Variants in ATRNL1 observed in about 807,000 individuals in gnomAD.
The protein encoded by ATRNL1 is attractin like 1, also known as attractin-like protein 1.
Under a neutral mutation model 182.7 loss-of-function variants are expected in ATRNL1, and 95 were observed. The observed-to-expected ratio is 0.52, with a 90% CI of 0.44 to 0.62. The LOEUF is 0.62. ATRNL1 is among the 20% of genes least tolerant of loss of function. The pLI is 0.00. For missense variants in ATRNL1, 1,471 were observed against 1,679.5 expected, an observed-to-expected ratio of 0.88 and a Z score of 2.17; for synonymous variants, 576 against 568.3, an observed-to-expected ratio of 1.01 and a Z score of -0.19.
chr10:115,491,929 G>T (rs1455566897), intron 24 of ATRNL1, among the ~76,000 whole-genome samples: 1 of 152,156 alleles, frequency 6.6e-6, no homozygotes, highest in South Asian at 2.1e-4. Flanking sequence ...TGTGGGAAAC[G>T]CACAGTATTT....
At chr10:115,217,999 GAC>G (rs1849296683) in intron 9 of ATRNL1, among the ~76,000 whole-genome samples, 1 of 152,044 alleles carries the variant, frequency 6.6e-6, no homozygotes. Context: ...GTTTTGTGGA[GAC>G]AGTTTTTCCA....
intron 27 of ATRNL1, among the ~76,000 whole-genome samples, chr10:115,738,125 G>GT (rs1565334914): frequency 0.011 from 565 of 53,156 alleles, 64 homozygotes; most frequent in Non-Finnish European, 0.016. Flanking sequence ...AGAAGATAAT[G>GT]ATTTTTTTTT....
chr10:115,253,004 C>T (rs1850947014), intron 10 of ATRNL1, among the ~76,000 whole-genome samples: 1 of 152,164 alleles, frequency 6.6e-6, no homozygotes, highest in Non-Finnish European at 1.5e-5. Flanking sequence ...CATTGCTAGC[C>T]TGGCAATGTA....
intron 27 of ATRNL1, among the ~76,000 whole-genome samples, chr10:115,766,501 G>A (rs186253833): frequency 1.9e-4 from 29 of 152,234 alleles, no homozygotes; most frequent in East Asian, 3.9e-4. Flanking sequence ...TGCCAATATC[G>A]TCTTTTAGGA....
chr10:115,187,360 C>G (rs1554888949), intron 8 of ATRNL1, among the ~76,000 whole-genome samples: 1 of 151,946 alleles, frequency 6.6e-6, no homozygotes, highest in African/African-American at 2.4e-5. Context: ...TAGCTTTATT[C>G]TTCAAAAATA....
At chr10:115,239,252 TG>T (rs1850310656) in intron 9 of ATRNL1, among the ~76,000 whole-genome samples, 2 of 152,046 alleles carry the variant, frequency 1.3e-5, no homozygotes, top group African/African-American at 4.8e-5. Flanking sequence ...TTATTTTTTG[TG>T]ATGGAGTCTC....
chr10:115,674,473 TA>T (rs1318591824), intron 26 of ATRNL1, among the ~76,000 whole-genome samples: 1 of 152,108 alleles, frequency 6.6e-6, no homozygotes, highest in Non-Finnish European at 1.5e-5. Context: ...TCTTCATTTT[TA>T]AAAAATTCCA....
intron 27 of ATRNL1, among the ~76,000 whole-genome samples, chr10:115,796,299 A>G (rs555513632): frequency 2.1e-4 from 32 of 151,540 alleles, no homozygotes; most frequent in African/African-American, 7.0e-4. Flanking sequence ...CCTCACCCCA[A>G]TGGGGCTCTG....
intron 26 of ATRNL1, among the ~76,000 whole-genome samples, chr10:115,630,154 T>G (rs141288922): frequency 2.1e-4 from 32 of 152,194 alleles, no homozygotes; most frequent in African/African-American, 7.2e-4. Context: ...TTTTATGGTT[T>G]CAATTCTCAT....
intron 27 of ATRNL1, among the ~76,000 whole-genome samples, chr10:115,732,760 C>T (rs1011408121): frequency 1.3e-5 from 2 of 151,984 alleles, no homozygotes; most frequent in East Asian, 1.9e-4. Flanking sequence ...TGCTGATTTT[C>T]GTTCAAATTG....
chr10:115,734,311 C>T (rs565974641), intron 27 of ATRNL1, among the ~76,000 whole-genome samples: 45 of 152,190 alleles, frequency 3.0e-4, no homozygotes, highest in African/African-American at 1.0e-3. Flanking sequence ...TTTCTATTTT[C>T]ATGCATCCTT....
chr10:115,350,754 C>G (rs1382589926), intron 19 of ATRNL1, among the ~76,000 whole-genome samples: 2 of 151,898 alleles, frequency 1.3e-5, no homozygotes, highest in African/African-American at 4.8e-5. Context: ...TATTCTGAGC[C>G]TTTTATGGTT....
At chr10:115,412,168 G>A (rs1845171229) in intron 20 of ATRNL1, among the ~76,000 whole-genome samples, 1 of 152,030 alleles carries the variant, frequency 6.6e-6, no homozygotes, top group Non-Finnish European at 1.5e-5. Context: ...TCTTTTGCTG[G>A]CTCTGAGAAA....
chr10:115,534,624 T>C (rs1239549754), intron 25 of ATRNL1, among the ~76,000 whole-genome samples: 1 of 152,256 alleles, frequency 6.6e-6, no homozygotes, highest in South Asian at 2.1e-4. Context: ...TTAATATTGT[T>C]ATGTGTGAAT....
chr10:115,095,360 CTTTT>C (rs367762933), intron 1 of ATRNL1, among the ~76,000 whole-genome samples: 2 of 141,332 alleles, frequency 1.4e-5, no homozygotes, highest in African/African-American at 5.3e-5. Flanking sequence ...GCATACTTTC[CTTTT>C]TTTTTTTTTT....
chr10:115,141,016 A>C (rs1845734973), intron 5 of ATRNL1, among the ~76,000 whole-genome samples: 1 of 152,078 alleles, frequency 6.6e-6, no homozygotes, highest in Non-Finnish European at 1.5e-5. Flanking sequence ...ATAAGACCCT[A>C]TCTTTTAAAT....
At position 115,654,239 on chromosome 10, in the gene ATRNL1, A is replaced by G. The variant is rs1351896156; in HGVS notation, c.3796-73009A>G. 6.0e-5 allele frequency among the ~76,000 whole-genome samples: 9 copies of G among 150,228 alleles called. No homozygotes were observed. In the East Asian group the frequency reaches 1.2e-3, roughly 20 times the overall value. Reference sequence around the variant, plus strand: ...CTTTTCTTTTTTTTTTTTGTTTTTGAGATGGAGTCTGGCTCTGTCACCCAG... The same window carrying G: ...CTTTTCTTTTTTTTTTTTGTTTTTGGGATGGAGTCTGGCTCTGTCACCCAG... On this transcript the variant is annotated intron_variant, in intron 26 of 28. Transcript: ENST00000355044.
At position 115,503,054 on chromosome 10, in the gene ATRNL1, C is replaced by G. The variant is rs575150913; in HGVS notation, c.3655-16209C>G. Among the ~76,000 whole-genome samples the G allele has an allele frequency of 2.5e-4, 38 of 152,132 alleles. 1 individual carries two copies. The South Asian group carries it at 7.7e-3, about 31-fold the overall frequency. ...GGGCCTGAAGATAAGGCTGTAACTG[C>G]TTTTAGTGTTTATGCTTTAGCAGGA... On this transcript the variant is annotated intron_variant, in intron 24 of 28. Transcript: ENST00000355044.
intron 24 of ATRNL1, among the ~76,000 whole-genome samples, chr10:115,507,423 C>T (rs1342146684): frequency 2.6e-5 from 4 of 151,840 alleles, no homozygotes; most frequent in Admixed American, 6.6e-5. Context: ...TAATCAAATG[C>T]GTGATTGCAA....
Sources: gnomAD v4.1 joint callset for allele counts (sites outside exome capture counted in the v4.1 genomes callset) on GRCh38, gnomAD v4.1.1 for gene constraint, MANE v1.5 for transcripts, NCBI Gene and HGNC (gene_info 2026-07-23, HGNC 2026-07-21) for gene names.